RAB2A: variants seen among roughly 807,000 people sequenced by gnomAD.
RAB2A encodes the protein ras-related protein Rab-2A.
A neutral mutation model predicts 32.5 loss-of-function variants in RAB2A; 7 were observed. The ratio of observed to expected loss-of-function variants is 0.22; its 90% CI spans 0.12 to 0.40. The LOEUF (loss-of-function observed/expected upper bound fraction) is 0.40. Among genes scored for constraint, RAB2A ranks in the 10% least tolerant of loss-of-function variants. RAB2A has a pLI of 1.00. For missense variants in RAB2A, 108 were observed against 260.7 expected (o/e 0.41, Z 4.03); for synonymous variants, 79 against 85.2 (o/e 0.93, Z 0.40).
At chr8:60,575,903 C>T (rs531120296) in intron 3 of RAB2A, among the ~76,000 whole-genome samples, 2 of 152,256 alleles carry the variant, frequency 1.3e-5, no homozygotes, top group South Asian at 4.1e-4. Flanking sequence ...GTGATCCACG[C>T]CTCAGCCTCC....
At chr8:60,526,098 C>G (rs1362281181) in intron 1 of RAB2A, among the ~76,000 whole-genome samples, 1 of 138,318 alleles carries the variant, frequency 7.2e-6, no homozygotes, top group Non-Finnish European at 1.5e-5. Flanking sequence ...AGAAACTTAG[C>G]AACTGAAACA....
chr8:60,594,658 G>A (rs1035773375), intron 6 of RAB2A, among the ~76,000 whole-genome samples: 3 of 152,102 alleles, frequency 2.0e-5, no homozygotes, highest in African/African-American at 7.2e-5. Flanking sequence ...ACAGGCCCCG[G>A]TGTGTGATGT....
At chr8:60,516,952 C>CGCGGAGGCGGGGCGGAGGCGGG (rs1301396529), upstream of RAB2A, 1 of 380,110 alleles carries the variant, frequency 2.6e-6, no homozygotes, top group African/African-American at 2.1e-5. Flanking sequence ...TCCGGGTCGG[C>CGCGGAGGCGGGGCGGAGGCGGG]GCGGAGGCGG....
chr8:60,572,972 G>C (rs1808218054), intron 3 of RAB2A, among the ~76,000 whole-genome samples: 1 of 152,180 alleles, frequency 6.6e-6, no homozygotes, highest in South Asian at 2.1e-4. Context: ...TGAGACTAGT[G>C]ATATCTGTCT....
chr8:60,559,160 AT>A (rs1189161216), intron 2 of RAB2A: 3 of 393,028 alleles, frequency 7.6e-6, no homozygotes, highest in Non-Finnish European at 1.4e-5. Context: ...TAAGATTTCA[AT>A]TGTAATTAGC....
intron 1 of RAB2A, among the ~76,000 whole-genome samples, chr8:60,517,598 CG>C (rs1807228387): frequency 6.6e-6 from 1 of 152,038 alleles, no homozygotes; most frequent in African/African-American, 2.4e-5. Flanking sequence ...GGGCCCCTTG[CG>C]TTAGGTCTCT....
chr8:60,518,247 CAG>C (rs1163947643), intron 1 of RAB2A, among the ~76,000 whole-genome samples: 4 of 152,016 alleles, frequency 2.6e-5, no homozygotes, highest in Non-Finnish European at 5.9e-5. Flanking sequence ...ATTAATATAC[CAG>C]AGTCTGATTT....
chr8:60,606,719 A>T (rs1026916795), intron 6 of RAB2A, among the ~76,000 whole-genome samples: 4 of 152,244 alleles, frequency 2.6e-5, no homozygotes, highest in African/African-American at 9.6e-5. Context: ...TGGATTAAGT[A>T]AAAGTCGACA....
chr8:60,547,856 C>G (rs1377642518), intron 1 of RAB2A, among the ~76,000 whole-genome samples: 1 of 118,686 alleles, frequency 8.4e-6, no homozygotes, highest in East Asian at 2.7e-4. Context: ...CCCTCCTGGA[C>G]GGGGCGGCTG....
At chr8:60,575,442 C>T (rs12678694) in intron 3 of RAB2A, among the ~76,000 whole-genome samples, 34,963 of 151,876 alleles carry the variant, frequency 0.23, 4,114 homozygotes, top group Middle Eastern at 0.38. Flanking sequence ...CTGAGTGAAA[C>T]GGGATTTTCC....
chr8:60,518,730 G>A (rs544985705), intron 1 of RAB2A, among the ~76,000 whole-genome samples: 2 of 149,372 alleles, frequency 1.3e-5, no homozygotes, highest in African/African-American at 4.9e-5. Flanking sequence ...AATTGGATTT[G>A]TAAACTTTAA....
At chr8:60,546,775 A>G (rs1220704605) in intron 1 of RAB2A, among the ~76,000 whole-genome samples, 1 of 152,168 alleles carries the variant, frequency 6.6e-6, no homozygotes, top group Non-Finnish European at 1.5e-5. Context: ...AGTTTTTCCA[A>G]AATCACCCAG....
At chr8:60,569,262 G>A (rs1808160992) in intron 2 of RAB2A, among the ~76,000 whole-genome samples, 3 of 151,890 alleles carry the variant, frequency 2.0e-5, no homozygotes, top group African/African-American at 7.3e-5. Context: ...TAATACAATA[G>A]CCTTTTAACT....
At chr8:60,518,001 G>A (rs1252067909) in intron 1 of RAB2A, among the ~76,000 whole-genome samples, 3 of 151,804 alleles carry the variant, frequency 2.0e-5, no homozygotes, top group African/African-American at 7.3e-5. Flanking sequence ...ACTTAGGTAT[G>A]TGTATGTTGA....
intron 7 of RAB2A, among the ~76,000 whole-genome samples, chr8:60,620,345 G>A (rs1041021593): frequency 2.0e-5 from 3 of 152,082 alleles, no homozygotes; most frequent in African/African-American, 7.2e-5. Flanking sequence ...ATGGGCTTTG[G>A]GTATTTTTAT....
At chr8:60,559,512 C>G (rs778472771) in intron 2 of RAB2A, among the ~76,000 whole-genome samples, 1 of 152,094 alleles carries the variant, frequency 6.6e-6, no homozygotes, top group African/African-American at 2.4e-5. Flanking sequence ...AAGAAATAGT[C>G]AACAAATATT....
intron 6 of RAB2A, among the ~76,000 whole-genome samples, chr8:60,597,927 A>C (rs1283812572): frequency 9.8e-6 from 1 of 102,418 alleles, no homozygotes; most frequent in Non-Finnish European, 1.7e-5. Flanking sequence ...AAATGTGACA[A>C]CTTAGATGAC....
intron 6 of RAB2A, among the ~76,000 whole-genome samples, chr8:60,605,792 A>T (rs1007695597): frequency 6.8e-6 from 1 of 148,076 alleles, no homozygotes. Flanking sequence ...AAAGTAGCTA[A>T]CTATTTATTT....
intron 6 of RAB2A, among the ~76,000 whole-genome samples, chr8:60,604,906 A>T (rs781475854): frequency 6.6e-4 from 101 of 152,236 alleles, no homozygotes; most frequent in Non-Finnish European, 1.3e-3. Context: ...GAATTCAGAC[A>T]GGCTGCAGAA....
Sources: gnomAD v4.1 joint callset for allele counts (sites outside exome capture counted in the v4.1 genomes callset) on GRCh38, gnomAD v4.1.1 for gene constraint, MANE v1.5 for transcripts, NCBI Gene and HGNC (gene_info 2026-07-23, HGNC 2026-07-21) for gene names.